SLC37A1: variants seen among roughly 807,000 people sequenced by gnomAD.
SLC37A1 encodes glucose-6-phosphate exchanger SLC37A1.
Under a neutral mutation model 75.3 loss-of-function variants are expected in SLC37A1, and 49 were observed. The observed-to-expected ratio is 0.65, with a 90% confidence interval of 0.52 to 0.83. The LOEUF (loss-of-function observed/expected upper bound fraction) is 0.83. Among genes scored for constraint, SLC37A1 ranks in the 40% least tolerant of loss-of-function variants. The pLI is 0.00. For synonymous variants in SLC37A1, 268 were observed against 292.1 expected (o/e 0.92, Z 0.84); for missense variants, 566 against 695.0 (o/e 0.81, Z 2.09).
At chr21:42,528,729 T>C (rs1194513943) in intron 3 of SLC37A1, among the ~76,000 whole-genome samples, 1 of 152,136 alleles carries the variant, frequency 6.6e-6, no homozygotes, top group Non-Finnish European at 1.5e-5. Context: ...CTGGGGAGGC[T>C]GAGGCAGGAG....
chr21:42,564,561 G>T, intron 13 of SLC37A1, 147 bp from the exon 14 acceptor site: 1 of 647,244 alleles, frequency 1.5e-6, no homozygotes, highest in Non-Finnish European at 2.8e-6. Context: ...GGAGGTCAGG[G>T]CTGTGAGAAG....
At chr21:42,555,677 C>T (rs956874642) in intron 10 of SLC37A1, among the ~76,000 whole-genome samples, 2 of 152,270 alleles carry the variant, frequency 1.3e-5, no homozygotes, top group African/African-American at 4.8e-5. Flanking sequence ...ATCAAGACCA[C>T]AGGCCCTTTC....
intron 5 of SLC37A1, among the ~76,000 whole-genome samples, chr21:42,535,757 A>G (rs913855031): frequency 1.3e-5 from 2 of 152,226 alleles, no homozygotes; most frequent in Admixed American, 1.3e-4. Flanking sequence ...ACCTCGAGGC[A>G]GAGGATTTCC....
chr21:42,535,065 T>A (rs1049519587), intron 4 of SLC37A1, among the ~76,000 whole-genome samples: 8 of 152,192 alleles, frequency 5.3e-5, no homozygotes, highest in African/African-American at 1.9e-4. Flanking sequence ...ATCATTTGCA[T>A]TTTGTATTTT....
chr21:42,551,801 T>C (rs535819491), intron 9 of SLC37A1, among the ~76,000 whole-genome samples: 2 of 147,552 alleles, frequency 1.4e-5, no homozygotes, highest in African/African-American at 5.3e-5. Context: ...CCTCAATGGT[T>C]TTTTTTGTTT....
At chr21:42,503,245 C>CTCCTTTT (rs1168180279) in intron 2 of SLC37A1, among the ~76,000 whole-genome samples, 2 of 134,288 alleles carry the variant, frequency 1.5e-5, no homozygotes, top group African/African-American at 5.7e-5. Flanking sequence ...GGAAATTATA[C>CTCCTTTT]TCCTTTTTTT....
upstream of SLC37A1, among the ~76,000 whole-genome samples, chr21:42,510,625 C>T (rs1450587153): frequency 6.6e-6 from 1 of 151,720 alleles, no homozygotes; most frequent in South Asian, 2.1e-4. Flanking sequence ...CTGCAGGAGA[C>T]TCAGCTTTAA....
At position 42,559,089 on chromosome 21, in the gene SLC37A1, A is replaced by G. The variant is rs761654017; in HGVS notation, c.981A>G (p.Pro327=). The G allele has an allele frequency of 1.2e-6, 2 of 1,611,178 alleles. No individual in the cohort carries two copies. The highest frequency in any genetic ancestry group is 1.1e-5 in the South Asian group (1 of 90,668). ...AISFTGALKI[P]GVIEFSLCLL... ...GCTTCACAGGGGCCTTGAAAATTCC[A>G]GTAAGTAAACGTGCCCAGGAGGAGT... Residue 327 remains proline, a splice_region_variant and synonymous_variant, in exon 11 of 20, where the codon CCA becomes CCG. Transcript: ENST00000352133.
At chr21:42,574,697 T>G in intron 17 of SLC37A1, 121 bp from the exon 18 acceptor site, 1 of 867,998 alleles carries the variant, frequency 1.2e-6, no homozygotes, top group East Asian at 2.7e-5. Flanking sequence ...TGAGGTAGTG[T>G]AGTTCCATAT....
intron 5 of SLC37A1, among the ~76,000 whole-genome samples, chr21:42,536,465 T>G (rs1476631251): frequency 6.6e-6 from 1 of 152,192 alleles, no homozygotes; most frequent in Non-Finnish European, 1.5e-5. Flanking sequence ...ATTGTGTCAG[T>G]CCAGCCAGGT....
intron 14 of SLC37A1, among the ~76,000 whole-genome samples, 160 bp downstream of exon 14, chr21:42,564,953 C>A (rs182516825): frequency 2.6e-5 from 4 of 152,384 alleles, no homozygotes; most frequent in Admixed American, 2.0e-4. Flanking sequence ...TCCCTTGGCA[C>A]CTGCAGGCCT....
rs776868614 is a variant in SLC37A1 at position 42,514,780 on chromosome 21, C to A, written c.-179+63C>A. ...TACTGGCCAAGCCCCTTACCACCCC[C>A]ACTCCCCGCTAACACCCCAGCCCGC... On this transcript the variant is annotated intron_variant, in intron 1 of 19. Transcript: ENST00000352133. This position sits in a 1 kb window ranked among gnomAD's most constrained non-coding sequence, Gnocchi z 4.8. The A allele has an allele frequency of 3.3e-5, 5 of 152,512 alleles. No individual in the cohort carries two copies. Among genetic ancestry groups the A allele is most frequent in the Admixed American group, 6.5e-5 (1 of 15,292 alleles). The allele number at this position is 152,512 out of a possible 1,614,324, so 9.4% of individuals were successfully genotyped here.
At chr21:42,544,702 C>G (rs552892052) in intron 8 of SLC37A1, among the ~76,000 whole-genome samples, 1 of 152,330 alleles carries the variant, frequency 6.6e-6, no homozygotes, top group East Asian at 1.9e-4. Flanking sequence ...GGGTCTGGAT[C>G]CCTCCCAGTG....
At chr21:42,530,645 CACA>C (rs2054934280) in intron 3 of SLC37A1, among the ~76,000 whole-genome samples, 34 of 31,256 alleles carry the variant, frequency 1.1e-3, no homozygotes, top group Non-Finnish European at 1.8e-3. Flanking sequence ...CACACACACA[CACA>C]CACACACCCC....
intron 17 of SLC37A1, among the ~76,000 whole-genome samples, chr21:42,572,733 T>C (rs1048103521): frequency 1.3e-5 from 2 of 149,138 alleles, no homozygotes; most frequent in African/African-American, 4.9e-5. Context: ...GTTGGCTCTC[T>C]GGGGGGAGGT....
chr21:42,558,933 T>C, intron 10 of SLC37A1, 25 bp from the exon 11 acceptor site: 1 of 1,613,500 alleles, frequency 6.2e-7, no homozygotes, highest in Non-Finnish European at 8.5e-7. Flanking sequence ...CCTTTCCTTT[T>C]TGTTCCCAAT....
intron 9 of SLC37A1, among the ~76,000 whole-genome samples, chr21:42,553,668 T>G (rs894687245): frequency 7.1e-5 from 9 of 126,730 alleles, no homozygotes; most frequent in Non-Finnish European, 1.4e-4. Context: ...CTAGAGACGG[T>G]TTTTTTTTTT....
At chr21:42,558,475 A>G (rs1483363191) in intron 10 of SLC37A1, among the ~76,000 whole-genome samples, 3 of 152,204 alleles carry the variant, frequency 2.0e-5, no homozygotes, top group Non-Finnish European at 4.4e-5. Context: ...CTAGAAATAG[A>G]TCCTATAGTT....
chr21:42,566,235 A>G (rs2147003942), intron 15 of SLC37A1, among the ~76,000 whole-genome samples: 1 of 152,276 alleles, frequency 6.6e-6, no homozygotes, highest in South Asian at 2.1e-4. Flanking sequence ...TGCCACCTGC[A>G]CCCTGCACCC....
Sources: allele counts gnomAD v4.1 joint callset (sites outside exome capture counted in the v4.1 genomes callset), GRCh38; gene constraint gnomAD v4.1.1; non-coding constraint Gnocchi (gnomAD v3.1); transcripts MANE v1.5; gene names NCBI Gene and HGNC (gene_info 2026-07-23, HGNC 2026-07-21).